The following ZNF221 variants were observed in gnomAD, a reference collection of about 807,000 sequenced individuals.
ZNF221 encodes zinc finger protein 221.
A neutral mutation model predicts 12.6 loss-of-function variants in ZNF221; 10 were observed. That is an observed-to-expected ratio of 0.79 (90% CI 0.49 to 1.34). The LOEUF (loss-of-function observed/expected upper bound fraction) is 1.34, where lower values mean the gene tolerates loss of function less well. Among genes scored for constraint, ZNF221 ranks in the 40% most tolerant of loss-of-function variants. The probability of loss-of-function intolerance (pLI) is 0.00; values close to 1 mark genes in which losing one functional copy is unlikely to be tolerated. For synonymous variants in ZNF221, 232 were observed against 244.0 expected (o/e 0.95, Z 0.46); for missense variants, 661 against 721.4 (o/e 0.92, Z 0.96).
rs1284474571 is a variant in ZNF221 at position 43,967,297 on chromosome 19, T to C, written c.1795T>C (p.Tyr599His). 1 of 1,613,788 alleles carries C rather than the reference T, an allele frequency of 6.2e-7. No individual in the cohort carries two copies. Among genetic ancestry groups the C allele is most frequent in the Non-Finnish European group, 8.5e-7 (1 of 1,179,978 alleles). Reference sequence around the variant, plus strand: ...GAAATCTGGAGTGTGGGAAGAGATCTACTCAGAATTCACAGCTTCATTTAC... The same window carrying C: ...GAAATCTGGAGTGTGGGAAGAGATCCACTCAGAATTCACAGCTTCATTTAC... ...PLKSGVWEEIYSEFTASFTSV... is the reference protein window; with the variant it reads ...PLKSGVWEEIHSEFTASFTSV... Residue 599 changes from tyrosine (Y) to histidine (H), a missense_variant, in exon 5 of 5, where the codon TAC (tyrosine) becomes CAC (histidine). Transcript: ENST00000587682.
At chr19:43,959,864 G>A (rs1160500866) in intron 1 of ZNF221, among the ~76,000 whole-genome samples, 3 of 152,286 alleles carry the variant, frequency 2.0e-5, no homozygotes, top group Non-Finnish European at 4.4e-5. Context: ...GCAATGCATT[G>A]CTATAAAGAT....
chr19:43,979,141 G>A, the ZNF221 span, among the ~76,000 whole-genome samples: 547 of 151,970 alleles, frequency 3.6e-3, 5 homozygotes, highest in African/African-American at 0.013. Context: ...GGATGGTTCA[G>A]CATATCTATG....
At chr19:43,964,643 T>A (rs183803737) in intron 2 of ZNF221, among the ~76,000 whole-genome samples, 1 of 152,210 alleles carries the variant, frequency 6.6e-6, no homozygotes, top group East Asian at 1.9e-4. Flanking sequence ...CACTAAAACC[T>A]AAATACCTGT....
At chr19:43,953,387 C>A (rs577424052) in intron 1 of ZNF221, among the ~76,000 whole-genome samples, 1 of 152,070 alleles carries the variant, frequency 6.6e-6, no homozygotes, top group Admixed American at 6.5e-5. Context: ...GTATGCCACT[C>A]TCCAGGAACC....
chr19:43,972,718 A>C, the ZNF221 span, among the ~76,000 whole-genome samples: 10 of 150,110 alleles, frequency 6.7e-5, no homozygotes, highest in African/African-American at 2.5e-4. Context: ...TGAATCCTTG[A>C]ATAGACCAAT....
intron 1 of ZNF221, among the ~76,000 whole-genome samples, chr19:43,957,453 A>C (rs1272302218): frequency 2.6e-5 from 4 of 152,196 alleles, no homozygotes; most frequent in African/African-American, 7.2e-5. Flanking sequence ...TATTACAGGC[A>C]TGAGCCACCA....
At chr19:43,961,381 C>G (rs391596) in intron 1 of ZNF221, among the ~76,000 whole-genome samples, 147,421 of 152,310 alleles carry the variant, frequency 0.97, 71,526 homozygotes, top group East Asian at 1. Context: ...CATCAAGGAA[C>G]CCCACATAGC....
intron 4 of ZNF221, among the ~76,000 whole-genome samples, 194 bp downstream of exon 4, chr19:43,965,519 C>G (rs1460839048): frequency 6.6e-6 from 1 of 152,130 alleles, no homozygotes; most frequent in East Asian, 1.9e-4. Flanking sequence ...ATTTATCATA[C>G]AAGATTTTAG....
intron 2 of ZNF221, among the ~76,000 whole-genome samples, chr19:43,963,587 ACCTT>A (rs1263428175): frequency 6.6e-6 from 1 of 152,130 alleles, no homozygotes; most frequent in East Asian, 1.9e-4. Flanking sequence ...AGTAGTAGGT[ACCTT>A]CATTTGAAAT....
intron 1 of ZNF221, among the ~76,000 whole-genome samples, chr19:43,953,878 T>C (rs1371493599): frequency 6.6e-6 from 1 of 151,608 alleles, no homozygotes; most frequent in African/African-American, 2.4e-5. Flanking sequence ...AGGTCAGGAG[T>C]TCGAGACCAG....
chr19:43,953,458 C>T (rs1048629817), intron 1 of ZNF221, among the ~76,000 whole-genome samples: 1 of 152,078 alleles, frequency 6.6e-6, no homozygotes, highest in African/African-American at 2.4e-5. Context: ...TTTATGGAAA[C>T]TTCATTGCAT....
At chr19:43,974,107 A>G in the ZNF221 span, among the ~76,000 whole-genome samples, 1 of 152,194 alleles carries the variant, frequency 6.6e-6, no homozygotes. Context: ...ACACACCTAC[A>G]ACCATCTGAT....
chr19:43,964,319 T>C (rs1974899592), intron 2 of ZNF221, among the ~76,000 whole-genome samples: 1 of 152,186 alleles, frequency 6.6e-6, no homozygotes. Context: ...TGCATGTAGG[T>C]GAGCTTGTCC....
At chr19:43,962,069 T>C (rs393473) in intron 1 of ZNF221, 148,371 of 152,490 alleles carry the variant, frequency 0.97, 72,310 homozygotes, top group East Asian at 1. Flanking sequence ...CACTTCTCCC[T>C]GATTTATTAA....
At position 43,967,631 on chromosome 19, in the gene ZNF221, A is replaced by G. The variant is rs865869439; in HGVS notation, c.*275A>G. 4.8e-5 allele frequency: 16 copies of G among 335,838 alleles called. No homozygotes were observed. The South Asian group carries it at 1.0e-3, about 21-fold the overall frequency. 20.8% of individuals were successfully genotyped at this position (335,838 alleles called of 1,614,324 possible). A position where few individuals can be genotyped will look rare whatever the true frequency, so the allele number is the denominator to read the frequency against. On this transcript the variant is annotated 3_prime_UTR_variant, in exon 5 of 5. Transcript: ENST00000587682. ...GTAGCTGGGACTACAGGTGCCCGCC[A>G]CCACACCCAGCTAATTTTTTGTATT... is the stretch of plus-strand genomic sequence containing the variant.
intron 1 of ZNF221, among the ~76,000 whole-genome samples, chr19:43,954,943 C>T (rs1052707045): frequency 6.6e-5 from 10 of 152,170 alleles, no homozygotes; most frequent in South Asian, 2.1e-4. Context: ...CACACACTTG[C>T]GAAGGTGTGT....
chr19:43,962,782 T>A lies in ZNF221; in HGVS notation c.56T>A (p.Val19Glu). 1 of 1,613,874 alleles carries A rather than the reference T, an allele frequency of 6.2e-7. No homozygotes were observed. Among genetic ancestry groups the A allele is most frequent in the Non-Finnish European group, 8.5e-7 (1 of 1,179,856 alleles). Residue 19 changes from valine to glutamate, a missense_variant, in exon 2 of 5, where the codon GTA (valine) becomes GAA (glutamate). Transcript: ENST00000587682. ...TCAGGACTCTGCAAATTCCCTGAAG[T>A]AGAAGGAAAAATGACCACATTCAAA... is the stretch of plus-strand genomic sequence containing the variant. The part of the protein sequence containing the change: ...LHSGLCKFPE[V>E]EGKMTTFKEA...
At chr19:43,978,763 C>A in the ZNF221 span, 1 of 152,070 alleles carries the variant, frequency 6.6e-6, no homozygotes, top group Non-Finnish European at 1.5e-5. Flanking sequence ...GGCAAGTTCA[C>A]TATGTTAACT....
downstream of ZNF221, among the ~76,000 whole-genome samples, chr19:43,970,722 T>C (rs966494894): frequency 2.0e-4 from 30 of 151,988 alleles, no homozygotes; most frequent in Non-Finnish European, 2.9e-5. Flanking sequence ...AGAGAAAGAA[T>C]GAAGAGTAAT....
Sources: allele counts gnomAD v4.1 joint callset (sites outside exome capture counted in the v4.1 genomes callset), GRCh38; gene constraint gnomAD v4.1.1; transcripts MANE v1.5; gene names NCBI Gene and HGNC (gene_info 2026-07-23, HGNC 2026-07-21).